Variants in GRK2 observed in about 807,000 individuals in gnomAD.
GRK2 encodes the protein adrenergic beta receptor kinase 1.
GRK2 carries 23 observed loss-of-function variants against 97.8 expected under a neutral mutation model. The observed-to-expected ratio is 0.24, with a 90% CI of 0.17 to 0.33. GRK2 has a LOEUF of 0.33. Among genes scored for constraint, GRK2 ranks in the 10% least tolerant of loss-of-function variants. The pLI, the probability that GRK2 is intolerant of heterozygous loss-of-function variation, is 1.00. For synonymous variants in GRK2, 425 were observed against 381.7 expected (o/e 1.11, Z -1.32); for missense variants, 633 against 956.9 (o/e 0.66, Z 4.47).
chr11:67,267,611 T>C (rs1275274712), intron 1 of GRK2, among the ~76,000 whole-genome samples: 2 of 152,250 alleles, frequency 1.3e-5, no homozygotes, highest in African/African-American at 4.8e-5. Context: ...CTGCAATGGC[T>C]GGACCTTAGC....
At chr11:67,266,836 CCGGCCCGACCCCGCGGGCGCCCCGGCCG>C (rs1462388933) in intron 1 of GRK2, 24 bp downstream of exon 1, 1 of 1,158,392 alleles carries the variant, frequency 8.6e-7, no homozygotes, top group African/African-American at 1.6e-5. Context: ...GCCCGCGGCC[CCGGCCCGACCCCGCGGGCGCCCCGGCCG>C]CGGCCCCGAG....
rs752232288 is a variant in GRK2, at chr11:67,285,279, T to C, written c.1906-7T>C. The C allele has an allele frequency of 4.4e-6, 7 of 1,608,378 alleles. No individual in the cohort carries two copies. Among genetic ancestry groups the C allele is most frequent in the South Asian group, 1.1e-5 (1 of 90,654 alleles). On this transcript the variant is annotated splice_region_variant and splice_polypyrimidine_tract_variant and intron_variant, in intron 20 of 20. Coordinates refer to ENST00000308595, the MANE Select transcript of GRK2 (RefSeq NM_001619.5). ...CCAGCTGACAGAGCTGGGCTTGGCA[T>C]GTGCAGAGCGACCCTGAGCTGGTGC...
chr11:67,285,035 G>A (rs757009027), intron 19 of GRK2, 40 bp from the exon 20 acceptor site: 2 of 1,612,136 alleles, frequency 1.2e-6, no homozygotes, highest in African/African-American at 1.3e-5. Flanking sequence ...TGGCTGGCCG[G>A]CCCGGCTCTT....
Position 67,285,062 on chromosome 11 carries a change from C to T in GRK2, c.1792-13C>T. On this transcript the variant is annotated splice_polypyrimidine_tract_variant and intron_variant, in intron 19 of 20. Transcript: ENST00000308595. The stretch of plus-strand genomic sequence containing the variant: ...CCGGCTCTTACCTGCACCACCCATC[C>T]CTGGCCCTGCAGCAGAGCCTGCTGA... The T allele has an allele frequency of 1.2e-6, 2 of 1,612,956 alleles. No individual in the cohort carries two copies. Among genetic ancestry groups the T allele is most frequent in the South Asian group, 1.1e-5 (1 of 91,076 alleles).
intron 2 of GRK2, among the ~76,000 whole-genome samples, chr11:67,277,828 T>C (rs1350516050): frequency 6.6e-6 from 1 of 152,196 alleles, no homozygotes; most frequent in South Asian, 2.1e-4. Context: ...AGAAGTTTCA[T>C]GTGACCCACC....
chr11:67,282,929 C>T lies in GRK2; in HGVS notation c.1227+111C>T. ...CAGCAGAGATCTGGGCCACTGACCC[C>T]TACTCTGGCCTCTGAGACAGACCTC... On this transcript the variant is annotated intron_variant, in intron 14 of 20. Transcript: ENST00000308595. The surrounding 1 kb of genome is among the most constrained non-coding windows in gnomAD (Gnocchi z 6.9). 2 of 1,275,248 alleles carry T rather than the reference C, an allele frequency of 1.6e-6. No homozygotes were observed. Among genetic ancestry groups the T allele is most frequent in the Non-Finnish European group, 2.2e-6 (2 of 910,318 alleles). 79.0% of individuals were successfully genotyped at this position (1,275,248 alleles called of 1,614,324 possible).
chr11:67,279,972 G>A, intron 6 of GRK2, 72 bp downstream of exon 6: 1 of 1,484,264 alleles, frequency 6.7e-7, no homozygotes, highest in Non-Finnish European at 9.4e-7. Flanking sequence ...GGCTGGCGTG[G>A]AGGGCAGAAG....
chr11:67,267,979 C>T (rs764082135), intron 1 of GRK2, among the ~76,000 whole-genome samples: 4 of 152,246 alleles, frequency 2.6e-5, no homozygotes, highest in Non-Finnish European at 5.9e-5. Context: ...GTGCCCGCCA[C>T]GATTCTTTGT....
At chr11:67,274,495 CTTTTTTTTTTTTTTTTTTTTTTTT>C (rs57767154) in intron 1 of GRK2, among the ~76,000 whole-genome samples, 1 of 22,472 alleles carries the variant, frequency 4.4e-5, no homozygotes, top group African/African-American at 1.2e-4. Flanking sequence ...TGACCAGCAC[CTTTTTTTTTTTTTTTTTTTTTTTT>C]TTTGCTTTTT....
rs1455532685 is a variant in GRK2 at position 67,269,330 on chromosome 11, G to T, written c.113+2518G>T. Among the ~76,000 whole-genome samples the T allele has an allele frequency of 6.6e-6, 1 of 152,212 alleles. No homozygotes were observed. The highest frequency in any genetic ancestry group is 1.5e-5 in the Non-Finnish European group (1 of 68,036). On this transcript the variant is annotated intron_variant, in intron 1 of 20. Coordinates refer to ENST00000308595, the MANE Select transcript of GRK2 (RefSeq NM_001619.5). This position sits in a 1 kb window ranked among gnomAD's most constrained non-coding sequence, Gnocchi z 4.1. Reference sequence around the variant, plus strand: ...GCAGTTAGGATTCTCCCCTTTAGCAGTTGAAGTTATTGAGGCTCAGGGAGG... The same window carrying T: ...GCAGTTAGGATTCTCCCCTTTAGCATTTGAAGTTATTGAGGCTCAGGGAGG...
In GRK2 at chr11:67,276,280, G is replaced by A. The variant is rs1860027281; in HGVS notation, c.114-992G>A. ...CCAGACTAGTGAGGACCAGATGCAG[G>A]CCTCAGCTGGCTGTTGGGACAGACC... is the stretch of plus-strand genomic sequence containing the variant. On this transcript the variant is annotated intron_variant, in intron 1 of 20. Coordinates refer to ENST00000308595, the MANE Select transcript of GRK2 (RefSeq NM_001619.5). This position sits in a 1 kb window ranked among gnomAD's most constrained non-coding sequence, Gnocchi z 4.2. Among the ~76,000 whole-genome samples the A allele has an allele frequency of 6.6e-6, 1 of 152,196 alleles. No homozygotes were observed. Among genetic ancestry groups the A allele is most frequent in the African/African-American group, 2.4e-5 (1 of 41,450 alleles).
chr11:67,284,454 C>G, intron 18 of GRK2, 81 bp downstream of exon 18: 1 of 1,492,200 alleles, frequency 6.7e-7, no homozygotes, highest in South Asian at 1.2e-5. Flanking sequence ...GGAACTCACC[C>G]TGGATCACAG....
intron 2 of GRK2, 25 bp downstream of exon 2, chr11:67,277,373 G>T: frequency 6.2e-7 from 1 of 1,600,072 alleles, no homozygotes; most frequent in Non-Finnish European, 8.6e-7. Context: ...GGCTCTGCCA[G>T]CCACCGGACT....
chr11:67,285,025 T>C, intron 19 of GRK2, 42 bp downstream of exon 19: 1 of 1,611,346 alleles, frequency 6.2e-7, no homozygotes, highest in East Asian at 2.2e-5. Flanking sequence ...GGCTTCCGGG[T>C]GGCTGGCCGG....
At position 67,286,043 on chromosome 11, in the gene GRK2, G is replaced by T; in HGVS notation, c.*593G>T. 1 of 284,314 alleles carries T rather than the reference G, an allele frequency of 3.5e-6. No homozygotes were observed. Among genetic ancestry groups the T allele is most frequent in the Admixed American group, 5.1e-5 (1 of 19,484 alleles). 17.6% of individuals were successfully genotyped at this position (284,314 alleles called of 1,614,324 possible). The stretch of plus-strand genomic sequence containing the variant: ...ACTCCCACTTCCCTGACACTGCGGG[G>T]CTTGGCTGAGAGAGTGGCATTGGCA... On this transcript the variant is annotated 3_prime_UTR_variant, in exon 21 of 21. Transcript: ENST00000308595.
intron 2 of GRK2, among the ~76,000 whole-genome samples, chr11:67,278,563 C>T (rs907890443): frequency 6.6e-6 from 1 of 152,326 alleles, no homozygotes; most frequent in South Asian, 2.1e-4. Flanking sequence ...CCACTTGAGC[C>T]TCTGCCACAG....
chr11:67,280,154 G>C, intron 6 of GRK2: 1 of 548,278 alleles, frequency 1.8e-6, no homozygotes, highest in Non-Finnish European at 3.3e-6. Context: ...AGCTAGGAGA[G>C]CTGTGCCACC....
In GRK2 at chr11:67,283,938, A is replaced by G; in HGVS notation, c.1480A>G (p.Lys494Glu). ...DIGSFDEEDT[K>E]GIKLLDSDQE... is the part of the protein sequence containing the mutation. ...TGGCTCCTTCGATGAGGAGGACACA[A>G]AAGGAATCAAGGTACTGGGCCTTGC... Residue 494 changes from lysine to glutamate, a missense_variant, in exon 17 of 21, where the codon AAA becomes GAA. Coordinates refer to ENST00000308595, the MANE Select transcript of GRK2 (RefSeq NM_001619.5). 6.2e-7 allele frequency: 1 copy of G among 1,610,686 alleles called. No individual in the cohort carries two copies.
At position 67,286,357 on chromosome 11, in the gene GRK2, C is replaced by T. The variant is rs1205284170; in HGVS notation, c.*907C>T. 4.3e-6 allele frequency: 3 copies of T among 696,824 alleles called. No individual in the cohort carries two copies. The Admixed American group carries it at 6.1e-5, about 14-fold the overall frequency. The allele number at this position is 696,824 out of a possible 1,614,324, so 43.2% of individuals were successfully genotyped here. A position where few individuals can be genotyped will look rare whatever the true frequency, so the allele number is the denominator to read the frequency against. On this transcript the variant is annotated 3_prime_UTR_variant, in exon 21 of 21. Coordinates refer to ENST00000308595, the MANE Select transcript of GRK2 (RefSeq NM_001619.5). ...CCCCACAGCCCACGTCCTGTCAGTG[C>T]CGCCGCCTCGCCCACCGCATGCCCC...
Sources: gnomAD v4.1 joint callset for allele counts (sites outside exome capture counted in the v4.1 genomes callset) on GRCh38, gnomAD v4.1.1 for gene constraint, Gnocchi (gnomAD v3.1) non-coding constraint, MANE v1.5 for transcripts, NCBI Gene and HGNC (gene_info 2026-07-23, HGNC 2026-07-21) for gene names.